The following SERPINB8 variants were observed in gnomAD, a reference collection of about 807,000 sequenced individuals.
The protein encoded by SERPINB8 is serpin B8.
A neutral mutation model predicts 35.3 loss-of-function variants in SERPINB8; 25 were observed. That is an observed-to-expected ratio of 0.71 (90% CI 0.52 to 0.99). The LOEUF (loss-of-function observed/expected upper bound fraction) is 0.99. Among genes scored for constraint, SERPINB8 ranks in the 50% least tolerant of loss-of-function variants. The probability of loss-of-function intolerance (pLI) is 0.00; values close to 1 mark genes in which losing one functional copy is unlikely to be tolerated. For missense variants in SERPINB8, 484 were observed against 446.5 expected, an observed-to-expected ratio of 1.08 and a Z score of -0.76; for synonymous variants, 186 against 160.8, an observed-to-expected ratio of 1.16 and a Z score of -1.19.
intron 1 of SERPINB8, among the ~76,000 whole-genome samples, chr18:63,997,035 C>T (rs572593463): frequency 4.6e-5 from 7 of 152,328 alleles, no homozygotes; most frequent in East Asian, 1.9e-4. Flanking sequence ...ATTTGCCATT[C>T]GACTTACAGG....
In SERPINB8 at chr18:63,986,962, G is replaced by C. The variant is rs776743892; in HGVS notation, c.809G>C (p.Arg270Thr). ...TKSKVQVFLP[R>T]LKLEESYDLE... Reference sequence around the variant, plus strand: ...AGTAAGGTTCAAGTTTTCCTTCCCAGATTAAAGCTGGAGGAGAGTTATGAC... The same window carrying C: ...AGTAAGGTTCAAGTTTTCCTTCCCACATTAAAGCTGGAGGAGAGTTATGAC... The change falls in exon 7 of 7, where the codon AGA becomes ACA. Residue 270 changes from arginine to threonine, a missense_variant. Arg to Thr is a moderately conservative substitution (Grantham distance 71, BLOSUM62 -1). Transcript: ENST00000397985. 3.7e-6 allele frequency: 6 copies of C among 1,614,118 alleles called. No homozygotes were observed. In the East Asian group the frequency reaches 1.3e-4, roughly 36 times the overall value.
At chr18:63,984,044 G>T (rs557943602) in intron 5 of SERPINB8, among the ~76,000 whole-genome samples, 2 of 152,126 alleles carry the variant, frequency 1.3e-5, no homozygotes, top group African/African-American at 4.8e-5. Context: ...ATAAGGTTTT[G>T]TCATATTGCC....
chr18:63,998,409 AT>A lies in SERPINB8; in HGVS notation c.71-6408del, dbSNP rs1380362609. ...TGGGTCAAATTATGAGGCATGATGG[AT>A]TCTCCATGCTCTGTATCATCTACAA... On this transcript the variant is annotated intron_variant, in intron 1 of 1. Transcript: ENST00000493661. Among the ~76,000 whole-genome samples the A allele has an allele frequency of 3.3e-5, 5 of 152,154 alleles. No individual in the cohort carries two copies. The East Asian group carries it at 9.6e-4, about 29-fold the overall frequency.
intron 1 of SERPINB8, among the ~76,000 whole-genome samples, chr18:63,994,977 G>C (rs2050842073): frequency 6.6e-6 from 1 of 152,128 alleles, no homozygotes; most frequent in Admixed American, 6.5e-5. Flanking sequence ...ATGACTATCC[G>C]GCGCCCTCTA....
intron 1 of SERPINB8, chr18:63,970,558 C>A (rs1162049633): frequency 6.6e-6 from 1 of 152,606 alleles, no homozygotes; most frequent in East Asian, 1.9e-4. Context: ...CGGGGGGTGA[C>A]GCGAGCAGTG....
chr18:64,006,846 C>G (rs1191250681), downstream of SERPINB8, among the ~76,000 whole-genome samples: 1 of 151,878 alleles, frequency 6.6e-6, no homozygotes, highest in Admixed American at 6.6e-5. Flanking sequence ...AATGGAACTT[C>G]ATGGGAATTT....
intron 1 of SERPINB8, among the ~76,000 whole-genome samples, chr18:63,975,713 T>C (rs1049365114): frequency 1.7e-4 from 26 of 152,222 alleles, no homozygotes; most frequent in African/African-American, 6.3e-4. Context: ...TAAAAAAATA[T>C]ATAAGCTCAC....
At chr18:64,013,805 A>C (rs546464290) in intron 7 of SERPINB8, among the ~76,000 whole-genome samples, 1 of 152,312 alleles carries the variant, frequency 6.6e-6, no homozygotes, top group East Asian at 1.9e-4. Context: ...CATGTGCAAA[A>C]TCCTGATGGT....
Position 63,978,449 on chromosome 18 carries a change from G to A in SERPINB8, c.141G>A (p.Lys47=), listed in dbSNP as rs2144799175. 1 of 1,614,200 alleles carries A rather than the reference G, an allele frequency of 6.2e-7. No individual in the cohort carries two copies. Among genetic ancestry groups the A allele is most frequent in the East Asian group, 2.2e-5 (1 of 44,884 alleles). Residue 47 remains lysine, a synonymous_variant, in exon 2 of 7, where the codon AAG becomes AAA. Coordinates refer to ENST00000397985, the MANE Select transcript of SERPINB8 (RefSeq NM_002640.4). ...SALAMVFMGA[K]GSTAAQMSQA... ...TGGCCATGGTCTTCATGGGGGCAAAGGGAAGCACTGCAGCCCAGATGTCCC... is the reference window on the plus strand; with the variant it reads ...TGGCCATGGTCTTCATGGGGGCAAAAGGAAGCACTGCAGCCCAGATGTCCC...
chr18:64,008,265 C>T (rs1446947491), downstream of SERPINB8, among the ~76,000 whole-genome samples: 1 of 152,032 alleles, frequency 6.6e-6, no homozygotes, highest in East Asian at 1.9e-4. Context: ...TTTTTTGACA[C>T]AGAGTCTCGC....
downstream of SERPINB8, among the ~76,000 whole-genome samples, chr18:64,007,986 TTTAA>T (rs1240288644): frequency 1.1e-4 from 17 of 152,294 alleles, no homozygotes; most frequent in East Asian, 2.1e-3. Flanking sequence ...TTACTTAATT[TTTAA>T]TTAATTAATT....
chr18:64,014,177 A>G (rs574759435), intron 7 of SERPINB8, among the ~76,000 whole-genome samples: 4 of 152,320 alleles, frequency 2.6e-5, no homozygotes, highest in African/African-American at 9.6e-5. Context: ...GGAGTAGTGT[A>G]TGCAGAAAAG....
chr18:64,004,202 C>T (rs1490328296), intron 1 of SERPINB8, among the ~76,000 whole-genome samples: 4 of 152,218 alleles, frequency 2.6e-5, no homozygotes, highest in Middle Eastern at 3.4e-3. Context: ...TTTTTCTCAA[C>T]AGATAAATTT....
intron 7 of SERPINB8, among the ~76,000 whole-genome samples, chr18:64,012,590 T>TGTGTGTGTGC (rs1555659863): frequency 6.6e-6 from 1 of 151,272 alleles, no homozygotes; most frequent in African/African-American, 2.4e-5. Flanking sequence ...TGTGTGTGTG[T>TGTGTGTGTGC]GCGTGTGTGT....
chr18:64,002,308 T>C (rs2050879420), intron 1 of SERPINB8, among the ~76,000 whole-genome samples: 1 of 152,152 alleles, frequency 6.6e-6, no homozygotes, highest in African/African-American at 2.4e-5. Context: ...TACTAATTAC[T>C]TGTGGCACAC....
chr18:63,983,830 A>G (rs2050709877), intron 5 of SERPINB8, 109 bp downstream of exon 5: 2 of 786,866 alleles, frequency 2.5e-6, no homozygotes, highest in Non-Finnish European at 2.0e-6. Context: ...ATTTTAATCT[A>G]TTTCTGAATT....
intron 1 of SERPINB8, among the ~76,000 whole-genome samples, chr18:63,997,018 G>A (rs924559284): frequency 5.3e-5 from 8 of 152,284 alleles, no homozygotes; most frequent in Admixed American, 4.6e-4. Context: ...GGACCCCATG[G>A]ATCCACATTT....
chr18:63,985,697 A>G (rs1292765851), intron 6 of SERPINB8, among the ~76,000 whole-genome samples: 1 of 152,222 alleles, frequency 6.6e-6, no homozygotes, highest in Non-Finnish European at 1.5e-5. Flanking sequence ...TCCAAGTGAT[A>G]CAGATGCTTG....
intron 1 of SERPINB8, among the ~76,000 whole-genome samples, chr18:64,003,371 G>A (rs111855409): frequency 1.1e-3 from 164 of 152,208 alleles, no homozygotes; most frequent in African/African-American, 3.9e-3. Flanking sequence ...GGTAGGGACT[G>A]GGGAAGCCGC....
Sources: allele counts gnomAD v4.1 joint callset (sites outside exome capture counted in the v4.1 genomes callset), GRCh38; gene constraint gnomAD v4.1.1; transcripts MANE v1.5; gene names NCBI Gene and HGNC (gene_info 2026-07-23, HGNC 2026-07-21).